Variants in NLRP8 observed in about 807,000 individuals in gnomAD.
NLRP8 encodes NACHT, LRR and PYD domains-containing protein 8.
NLRP8 carries 86 observed loss-of-function variants against 88.7 expected under a neutral mutation model. The ratio of observed to expected loss-of-function variants is 0.97; its 90% CI spans 0.81 to 1.16. The LOEUF (loss-of-function observed/expected upper bound fraction) is 1.16. Ranked by LOEUF, NLRP8 falls within the 50% of genes most tolerant of loss-of-function variation. NLRP8 has a pLI of 0.00. For missense variants in NLRP8, 1,342 were observed against 1,286.5 expected, an observed-to-expected ratio of 1.04 and a Z score of -0.66; for synonymous variants, 504 against 494.6, an observed-to-expected ratio of 1.02 and a Z score of -0.25.
In NLRP8 at chr19:55,955,908, G is replaced by A. The variant is rs75924528; in HGVS notation, c.1850G>A (p.Arg617Gln). Reference sequence around the variant, plus strand: ...TTATTCTACTGTCTGCATGAAATCCGGGAGGAAGCCTTTGTAAGCCAAGCC... The same window carrying A: ...TTATTCTACTGTCTGCATGAAATCCAGGAGGAAGCCTTTGTAAGCCAAGCC... The change falls in exon 3 of 10, where the codon CGG becomes CAG. Residue 617 changes from arginine (R) to glutamine (Q), a missense_variant. Transcript: ENST00000291971. 2.2e-4 allele frequency: 354 copies of A among 1,614,162 alleles called. No individual in the cohort carries two copies. Among genetic ancestry groups the A allele is most frequent in the Non-Finnish European group, 2.7e-4 (319 of 1,180,026 alleles).
At position 55,955,058 on chromosome 19, in the gene NLRP8, A is replaced by G. The variant is rs929649077; in HGVS notation, c.1000A>G (p.Ile334Val). 4 of 1,613,984 alleles carry G rather than the reference A, an allele frequency of 2.5e-6. No individual in the cohort carries two copies. The African/African-American group carries it at 5.3e-5, about 22-fold the overall frequency. ...TCCAGAGGCCACGCTACTGATCATG[A>G]TAAGATTTACCTCTTGGCAGACATG... Residue 334 changes from isoleucine (I) to valine (V), a missense_variant, in exon 3 of 10, where the codon ATA (isoleucine) becomes GTA (valine). Ile to Val is a conservative substitution (Grantham distance 29). Coordinates refer to ENST00000291971, the MANE Select transcript of NLRP8 (RefSeq NM_176811.2).
At position 55,955,089 on chromosome 19, in the gene NLRP8, C is replaced by T. The variant is rs1456799153; in HGVS notation, c.1031C>T (p.Pro344Leu). Residue 344 changes from proline to leucine, a missense_variant, in exon 3 of 10, where the codon CCC becomes CTC. Pro to Leu is a moderately conservative substitution (Grantham distance 98, BLOSUM62 -3). Coordinates refer to ENST00000291971, the MANE Select transcript of NLRP8 (RefSeq NM_176811.2). ...TTTACCTCTTGGCAGACATGCAAGC[C>T]CTTGCTGAAATGTCCCTCTCTCGTA... is the stretch of plus-strand genomic sequence containing the variant. The T allele has an allele frequency of 1.1e-5, 17 of 1,614,074 alleles. No individual in the cohort carries two copies. The highest frequency in any genetic ancestry group is 1.4e-5 in the Non-Finnish European group (17 of 1,179,964).
chr19:55,950,818 G>A lies in NLRP8; in HGVS notation c.368-1720G>A, dbSNP rs962721656. Reference sequence around the variant, plus strand: ...GGTGGGGCCAGGCGCAGTGGCTCACGCCTATAATCCCAGCACTTTGGGAGG... The same window carrying A: ...GGTGGGGCCAGGCGCAGTGGCTCACACCTATAATCCCAGCACTTTGGGAGG... On this transcript the variant is annotated intron_variant, in intron 1 of 9. Coordinates refer to ENST00000291971, the MANE Select transcript of NLRP8 (RefSeq NM_176811.2). Among the ~76,000 whole-genome samples, 14 of 152,216 alleles carry A rather than the reference G, an allele frequency of 9.2e-5. No individual in the cohort carries two copies. The South Asian group carries it at 1.2e-3, about 13-fold the overall frequency.
At chr19:55,978,194 A>G (rs1229764754) in intron 8 of NLRP8, among the ~76,000 whole-genome samples, 1 of 151,718 alleles carries the variant, frequency 6.6e-6, no homozygotes, top group Non-Finnish European at 1.5e-5. Context: ...GTTTAATTTA[A>G]TTTTTTTTAA....
chr19:55,948,779 A>T (rs1978968129), intron 1 of NLRP8, among the ~76,000 whole-genome samples: 1 of 152,208 alleles, frequency 6.6e-6, no homozygotes, highest in Non-Finnish European at 1.5e-5. Context: ...AATACTGCTT[A>T]TATGAGGTGA....
chr19:55,948,105 C>A lies in NLRP8; in HGVS notation c.203C>A (p.Thr68Asn), dbSNP rs768699814. 1.2e-6 allele frequency: 2 copies of A among 1,614,138 alleles called. No homozygotes were observed. The highest frequency in any genetic ancestry group is 1.7e-6 in the Non-Finnish European group (2 of 1,180,020). Reference sequence around the variant, plus strand: ...TTACTGACTGAGCTCAGTACTGGCACCATGCCCATCACCTGGGACCAGGTC... The same window carrying A: ...TTACTGACTGAGCTCAGTACTGGCAACATGCCCATCACCTGGGACCAGGTC... The change falls in exon 1 of 10, where the codon ACC (threonine) becomes AAC (asparagine). Residue 68 changes from threonine to asparagine, a missense_variant. Physicochemically the swap from Thr to Asn is moderately conservative, Grantham distance 65. Transcript: ENST00000291971.
At chr19:55,987,792 G>A in intron 9 of NLRP8, 1 of 1,576,466 alleles carries the variant, frequency 6.3e-7, no homozygotes, top group East Asian at 2.2e-5. Flanking sequence ...TCAACCAGCA[G>A]CCTTCCTTTA....
Position 55,955,961 on chromosome 19 carries a change from A to T in NLRP8, c.1903A>T (p.Arg635Ter). Residue 635 changes from arginine (R) to a stop codon, truncating the protein, a stop_gained, in exon 3 of 10, where the codon AGA becomes TGA. Coordinates refer to ENST00000291971, the MANE Select transcript of NLRP8 (RefSeq NM_176811.2). LOFTEE classifies it high-confidence loss of function. ...AAATGATTATCATAAAGTTGTCTTG[A>T]GAATTGGCAACAACAAAGAAGTTCA... 2 of 1,614,192 alleles carry T rather than the reference A, an allele frequency of 1.2e-6. No individual in the cohort carries two copies. The highest frequency in any genetic ancestry group is 1.7e-6 in the Non-Finnish European group (2 of 1,180,040).
At chr19:55,964,397 A>G (rs1370734990) in intron 4 of NLRP8, among the ~76,000 whole-genome samples, 1 of 152,118 alleles carries the variant, frequency 6.6e-6, no homozygotes, top group Non-Finnish European at 1.5e-5. Flanking sequence ...TAAGCTGAGA[A>G]CTCAGTTCTG....
Position 55,952,560 on chromosome 19 carries a change from A to T in NLRP8, c.390A>T (p.Pro130=). ...CAGCCATTCTGCCTACCTTGGAACC[A>T]GAGGACTTGAATGTGGGAGAAACAC... is the stretch of plus-strand genomic sequence containing the variant. The change falls in exon 2 of 10, where the codon CCA becomes CCT. Residue 130 remains proline, a synonymous_variant. Coordinates refer to ENST00000291971, the MANE Select transcript of NLRP8 (RefSeq NM_176811.2). The T allele has an allele frequency of 6.2e-7, 1 of 1,614,040 alleles. No individual in the cohort carries two copies.
At chr19:55,985,766 AGC>A (rs1980779199) in intron 9 of NLRP8, among the ~76,000 whole-genome samples, 1 of 152,210 alleles carries the variant, frequency 6.6e-6, no homozygotes, top group South Asian at 2.1e-4. Context: ...CTGTAATCCC[AGC>A]ACTTTGGGAG....
rs374511835 is a variant in NLRP8, at chr19:55,955,969, C to A, written c.1911C>A (p.Gly637=). ...ATCATAAAGTTGTCTTGAGAATTGG[C>A]AACAACAAAGAAGTTCAAGTGTCTG... The change falls in exon 3 of 10, where the codon GGC becomes GGA. Residue 637 remains glycine (G), a synonymous_variant. Coordinates refer to ENST00000291971, the MANE Select transcript of NLRP8 (RefSeq NM_176811.2). The A allele has an allele frequency of 6.2e-7, 1 of 1,614,044 alleles. No homozygotes were observed. The highest frequency in any genetic ancestry group is 8.5e-7 in the Non-Finnish European group (1 of 1,180,036).
chr19:55,966,477 T>A, intron 5 of NLRP8, 97 bp downstream of exon 5: 1 of 1,180,920 alleles, frequency 8.5e-7, no homozygotes, highest in Non-Finnish European at 1.2e-6. Context: ...TGTCCTTTCC[T>A]TTGATCTGCT....
chr19:55,965,549 C>G (rs563202132), intron 4 of NLRP8, among the ~76,000 whole-genome samples: 1 of 151,884 alleles, frequency 6.6e-6, no homozygotes, highest in African/African-American at 2.4e-5. Flanking sequence ...GCAGGGAAAA[C>G]CAGTCCTCCG....
In NLRP8 at chr19:55,987,824, G is replaced by A; in HGVS notation, c.3058G>A (p.Ala1020Thr). 6.2e-7 allele frequency: 1 copy of A among 1,613,590 alleles called. No homozygotes were observed. The highest frequency in any genetic ancestry group is 1.7e-5 in the Admixed American group (1 of 59,960). The change falls in exon 10 of 10, where the codon GCC (alanine) becomes ACC (threonine). Residue 1020 changes from alanine (A) to threonine (T), a missense_variant. Physicochemically the swap from Ala to Thr is moderately conservative, Grantham distance 58. Transcript: ENST00000291971. ...TTTACCTCCCTCCAGCTGTATTCCTGCCTGGACTCGAATAACTAGCTTCTC... is the reference window on the plus strand; with the variant it reads ...TTTACCTCCCTCCAGCTGTATTCCTACCTGGACTCGAATAACTAGCTTCTC...
chr19:55,964,373 G>A (rs987605440), intron 4 of NLRP8, among the ~76,000 whole-genome samples: 9 of 152,226 alleles, frequency 5.9e-5, no homozygotes, highest in Non-Finnish European at 4.4e-5. Context: ...GAAAGATGGT[G>A]CGACTAGGGA....
Position 55,955,651 on chromosome 19 carries a change from T to A in NLRP8, c.1593T>A (p.His531Gln). Residue 531 changes from histidine to glutamine, a missense_variant, in exon 3 of 10, where the codon CAT becomes CAA. Coordinates refer to ENST00000291971, the MANE Select transcript of NLRP8 (RefSeq NM_176811.2). ...TCCCACAAAGACTCAAAAATTTTCA[T>A]GTGTTGAGCCACGTGAATATCCAGC... 6.2e-7 allele frequency: 1 copy of A among 1,614,232 alleles called. No individual in the cohort carries two copies. Among genetic ancestry groups the A allele is most frequent in the Non-Finnish European group, 8.5e-7 (1 of 1,180,030 alleles).
intron 9 of NLRP8, among the ~76,000 whole-genome samples, chr19:55,981,114 G>A (rs1980554397): frequency 6.6e-6 from 1 of 152,194 alleles, no homozygotes; most frequent in Non-Finnish European, 1.5e-5. Context: ...GGGCCCTGTA[G>A]TGGAAGGAGA....
chr19:55,966,352 T>TC lies in NLRP8; in HGVS notation c.2359dup (p.Arg787ProfsTer17), dbSNP rs763129545. On this transcript the variant is annotated frameshift_variant, in exon 5 of 10. Transcript: ENST00000291971. LOFTEE classifies it high-confidence loss of function. ...GAAGCTTCTATGCAGGGTGCTGAGA[T>TC]CCCCCCGGTGCCGTCTGCAGTGTCT... 6.2e-7 allele frequency: 1 copy of TC among 1,613,532 alleles called. No individual in the cohort carries two copies. Among genetic ancestry groups the TC allele is most frequent in the Admixed American group, 1.7e-5 (1 of 59,992 alleles).
Sources: gnomAD v4.1 joint callset for allele counts (sites outside exome capture counted in the v4.1 genomes callset) on GRCh38, gnomAD v4.1.1 for gene constraint, MANE v1.5 for transcripts, NCBI Gene and HGNC (gene_info 2026-07-23, HGNC 2026-07-21) for gene names.